GAS2: variants seen among roughly 807,000 people sequenced by gnomAD.
The protein encoded by GAS2 is growth arrest specific 2, also known as growth arrest-specific protein 2.
A neutral mutation model predicts 37.5 loss-of-function variants in GAS2; 20 were observed. The ratio of observed to expected loss-of-function variants is 0.53; its 90% CI spans 0.37 to 0.77. GAS2 has a LOEUF of 0.77. GAS2 is among the 30% of genes least tolerant of loss of function. The probability of loss-of-function intolerance (pLI) is 0.00; values close to 1 mark genes in which losing one functional copy is unlikely to be tolerated. For missense variants in GAS2, 336 were observed against 373.4 expected (o/e 0.90, Z 0.82); for synonymous variants, 144 against 132.2 (o/e 1.09, Z -0.61).
chr11:22,649,992 T>G (rs1431768121), intron 1 of GAS2, among the ~76,000 whole-genome samples: 1 of 152,116 alleles, frequency 6.6e-6, no homozygotes, highest in Non-Finnish European at 1.5e-5. Context: ...CTTTTCTAGT[T>G]CTTTTAATTG....
intron 7 of GAS2, among the ~76,000 whole-genome samples, chr11:22,780,059 A>C (rs552775757): frequency 3.1e-4 from 47 of 152,228 alleles, no homozygotes; most frequent in Admixed American, 6.5e-4. Flanking sequence ...TCTCTAGTAC[A>C]TTGCGTAGTA....
At chr11:22,678,664 G>GAGT (rs1849545504) in intron 2 of GAS2, among the ~76,000 whole-genome samples, 1 of 151,786 alleles carries the variant, frequency 6.6e-6, no homozygotes, top group Non-Finnish European at 1.5e-5. Flanking sequence ...TTTTCAAAAG[G>GAGT]AGTTTTAATG....
intron 2 of GAS2, among the ~76,000 whole-genome samples, chr11:22,683,445 T>C (rs1849792959): frequency 6.6e-6 from 1 of 152,122 alleles, no homozygotes; most frequent in South Asian, 2.1e-4. Flanking sequence ...TTTGTATTTT[T>C]AGTAGAGGCA....
At chr11:22,783,022 A>C (rs1456927626) in intron 7 of GAS2, among the ~76,000 whole-genome samples, 1 of 152,086 alleles carries the variant, frequency 6.6e-6, no homozygotes, top group Admixed American at 6.5e-5. Flanking sequence ...GAAATCTCCA[A>C]ACTGGTCTTT....
At chr11:22,749,442 G>A (rs899138266) in intron 6 of GAS2, among the ~76,000 whole-genome samples, 181 bp downstream of exon 6, 9 of 151,928 alleles carry the variant, frequency 5.9e-5, no homozygotes, top group African/African-American at 2.2e-4. Context: ...AACTGAACTA[G>A]TTGTTCAAAA....
Position 22,674,930 on chromosome 11 carries a change from T to A in GAS2, c.61T>A (p.Tyr21Asn). 6.2e-7 allele frequency: 1 copy of A among 1,613,908 alleles called. No homozygotes were observed. The highest frequency in any genetic ancestry group is 8.5e-7 in the Non-Finnish European group (1 of 1,179,860). ...ACCTGGCCTCTCTGATATGCATCAG[T>A]ATAGCCAATGGCTAGCCAGCAGACA... is the stretch of plus-strand genomic sequence containing the variant. ...SGPGLSDMHQ[Y>N]SQWLASRHEA... The change falls in exon 2 of 8, where the codon TAT (tyrosine) becomes AAT (asparagine). Residue 21 changes from tyrosine to asparagine, a missense_variant. Transcript: ENST00000454584.
At chr11:22,705,374 T>G (rs1049081055) in intron 3 of GAS2, among the ~76,000 whole-genome samples, 2 of 100,222 alleles carry the variant, frequency 2.0e-5, no homozygotes, top group African/African-American at 8.0e-5. Context: ...AATGTCATGT[T>G]TTATCTGAGG....
At chr11:22,748,233 C>T in intron 5 of GAS2, among the ~76,000 whole-genome samples, 1 of 151,996 alleles carries the variant, frequency 6.6e-6, no homozygotes. Context: ...CTGCTCCTTG[C>T]TAGTTATATA....
At chr11:22,653,070 CTT>C (rs2133835839) in intron 1 of GAS2, among the ~76,000 whole-genome samples, 1 of 75,642 alleles carries the variant, frequency 1.3e-5, no homozygotes, top group South Asian at 4.7e-4. Context: ...TTCTTTTTTG[CTT>C]TCTCTCTCTC....
At chr11:22,642,277 A>G (rs1848639568) in intron 1 of GAS2, among the ~76,000 whole-genome samples, 1 of 152,160 alleles carries the variant, frequency 6.6e-6, no homozygotes, top group Non-Finnish European at 1.5e-5. Context: ...AAGTCTTGAC[A>G]GGATGATGTT....
intron 7 of GAS2, among the ~76,000 whole-genome samples, chr11:22,776,577 A>C (rs1020812928): frequency 1.3e-5 from 2 of 152,166 alleles, no homozygotes; most frequent in African/African-American, 4.8e-5. Context: ...TGTCAATATC[A>C]TCTATTTATC....
chr11:22,685,754 T>A lies in GAS2; in HGVS notation c.232T>A (p.Phe78Ile), dbSNP rs1200865034. The A allele has an allele frequency of 6.2e-7, 1 of 1,613,590 alleles. No individual in the cohort carries two copies. Among genetic ancestry groups the A allele is most frequent in the African/African-American group, 1.3e-5 (1 of 74,872 alleles). ...CQLAETMQEK[F>I]KESMDANKPT... ...ACTTGCAGAAACTATGCAGGAGAAA[T>A]TCAAGGAGAGCATGGATGCTAACAA... The change falls in exon 3 of 8, where the codon TTC becomes ATC. Residue 78 changes from phenylalanine to isoleucine, a missense_variant. Phe to Ile is a conservative substitution (Grantham distance 21, BLOSUM62 0). Coordinates refer to ENST00000454584, the MANE Select transcript of GAS2 (RefSeq NM_001143830.3).
chr11:22,692,697 C>T (rs1850305630), intron 3 of GAS2, among the ~76,000 whole-genome samples: 2 of 152,254 alleles, frequency 1.3e-5, no homozygotes, highest in African/African-American at 4.8e-5. Flanking sequence ...CACTTTCCAG[C>T]TTGAGTTTTC....
chr11:22,802,981 A>G (rs1856733444), intron 7 of GAS2, among the ~76,000 whole-genome samples: 1 of 152,098 alleles, frequency 6.6e-6, no homozygotes, highest in South Asian at 2.1e-4. Flanking sequence ...GGTGTGTAGA[A>G]GGCTGTGCCA....
At chr11:22,763,161 A>T (rs1321868773) in intron 7 of GAS2, among the ~76,000 whole-genome samples, 2 of 152,240 alleles carry the variant, frequency 1.3e-5, no homozygotes, top group Non-Finnish European at 2.9e-5. Context: ...TTTTAAATTA[A>T]ATCATCACAG....
Position 22,811,798 on chromosome 11 carries a change from A to C in GAS2, c.724A>C (p.Met242Leu). The C allele has an allele frequency of 6.2e-7, 1 of 1,613,856 alleles. No homozygotes were observed. The highest frequency in any genetic ancestry group is 8.5e-7 in the Non-Finnish European group (1 of 1,179,826). Residue 242 changes from methionine to leucine, a missense_variant and splice_region_variant, in exon 8 of 8, where the codon ATG becomes CTG. Physicochemically the swap from Met to Leu is conservative, Grantham distance 15. Transcript: ENST00000454584. The stretch of plus-strand genomic sequence containing the variant: ...CACTTTTGATATTTTTTCATTTCAG[A>C]TGCTGCACAACAAACATGTCATGGT... Reference protein sequence around the residue: ...RVGEKILFIRMLHNKHVMVRV... With the variant: ...RVGEKILFIRLLHNKHVMVRV...
chr11:22,762,431 A>G (rs781125231), intron 7 of GAS2, among the ~76,000 whole-genome samples: 4 of 152,148 alleles, frequency 2.6e-5, no homozygotes, highest in Non-Finnish European at 4.4e-5. Context: ...GTTCTTAAGT[A>G]AGTAGTAAAA....
At chr11:22,806,283 C>G (rs1856880744) in intron 7 of GAS2, among the ~76,000 whole-genome samples, 2 of 152,134 alleles carry the variant, frequency 1.3e-5, no homozygotes, top group Admixed American at 6.5e-5. Context: ...GGATTTTCTT[C>G]TGTATTATGG....
chr11:22,680,522 C>T (rs1360149776), intron 2 of GAS2, among the ~76,000 whole-genome samples: 2 of 152,096 alleles, frequency 1.3e-5, no homozygotes, highest in Non-Finnish European at 2.9e-5. Context: ...CTGAGAGGTA[C>T]AGTGGGGATG....
Sources: gnomAD v4.1 joint callset for allele counts (sites outside exome capture counted in the v4.1 genomes callset) on GRCh38, gnomAD v4.1.1 for gene constraint, MANE v1.5 for transcripts, NCBI Gene and HGNC (gene_info 2026-07-23, HGNC 2026-07-21) for gene names.